NEK1: variants seen among roughly 807,000 people sequenced by gnomAD.
NEK1 encodes serine/threonine-protein kinase Nek1.
Under a neutral mutation model 182.1 loss-of-function variants are expected in NEK1, and 137 were observed. That is an observed-to-expected ratio of 0.75 (90% CI 0.65 to 0.87). NEK1 has a LOEUF of 0.87. Among genes scored for constraint, NEK1 ranks in the 40% least tolerant of loss-of-function variants. NEK1 has a pLI of 0.00. For missense variants in NEK1, 1,391 were observed against 1,494.4 expected (o/e 0.93, Z 1.14); for synonymous variants, 513 against 492.2 (o/e 1.04, Z -0.56).
chr4:169,437,046 C>G (rs1418365988), intron 28 of NEK1, among the ~76,000 whole-genome samples: 1 of 152,134 alleles, frequency 6.6e-6, no homozygotes, highest in East Asian at 1.9e-4. Flanking sequence ...GAGAAGAGCC[C>G]TTGAGCACAC....
intron 23 of NEK1, among the ~76,000 whole-genome samples, chr4:169,489,010 G>C (rs548053870): frequency 6.6e-6 from 1 of 152,136 alleles, no homozygotes; most frequent in Non-Finnish European, 1.5e-5. Flanking sequence ...CTTCAAACAA[G>C]CTAATTAATT....
intron 19 of NEK1, among the ~76,000 whole-genome samples, chr4:169,533,734 AG>A (rs1183947912): frequency 6.6e-6 from 1 of 152,230 alleles, no homozygotes; most frequent in South Asian, 2.1e-4. Flanking sequence ...CACAGTAAAA[AG>A]AGAGAAAAAG....
chr4:169,500,266 G>T (rs1449677508), intron 23 of NEK1, among the ~76,000 whole-genome samples: 3 of 152,168 alleles, frequency 2.0e-5, no homozygotes, highest in African/African-American at 7.2e-5. Context: ...GTATTAGGGT[G>T]GGAGTGACCC....
chr4:169,433,618 T>A lies in NEK1; in HGVS notation c.2812A>T (p.Asn938Tyr). The change falls in exon 29 of 36, where the codon AAC (asparagine) becomes TAC (tyrosine). Residue 938 changes from asparagine (N) to tyrosine (Y), a missense_variant. Transcript: ENST00000507142. Reference protein sequence around the residue: ...TEILQEPSGTNKDESLPCTIT... With the variant: ...TEILQEPSGTYKDESLPCTIT... ...GTGCATGGCAAGCTCTCATCTTTGT[T>A]TGTTCCACTTGGCTCTTGTAGAATT... 2 of 1,613,484 alleles carry A rather than the reference T, an allele frequency of 1.2e-6. No individual in the cohort carries two copies. Among genetic ancestry groups the A allele is most frequent in the Non-Finnish European group, 1.7e-6 (2 of 1,179,574 alleles).
chr4:169,569,886 G>A (rs1408228568), intron 12 of NEK1, among the ~76,000 whole-genome samples: 1 of 152,218 alleles, frequency 6.6e-6, no homozygotes, highest in African/African-American at 2.4e-5. Flanking sequence ...CCAAAGTGCC[G>A]AGATTGTAGC....
chr4:169,404,782 AT>A (rs5863995), intron 32 of NEK1, among the ~76,000 whole-genome samples: 9 of 150,766 alleles, frequency 6.0e-5, no homozygotes, highest in South Asian at 2.1e-4. Context: ...ATGGAAAAAA[AT>A]TTTTTTTTTA....
intron 16 of NEK1, 39 bp from the exon 17 acceptor site, chr4:169,556,134 T>C (rs375207001): frequency 1.3e-6 from 2 of 1,585,642 alleles, no homozygotes; most frequent in African/African-American, 1.4e-5. Flanking sequence ...GTTTATCTTA[T>C]AAGGCCTAAC....
intron 29 of NEK1, 22 bp downstream of exon 29, chr4:169,433,523 T>A (rs183106366): frequency 1.2e-3 from 1,842 of 1,586,874 alleles, no homozygotes; most frequent in Non-Finnish European, 1.5e-3. Context: ...GGTTTTAAAA[T>A]GTCAGGAAAA....
At chr4:169,538,432 T>C (rs879912759) in intron 18 of NEK1, among the ~76,000 whole-genome samples, 1 of 151,548 alleles carries the variant, frequency 6.6e-6, no homozygotes, top group African/African-American at 2.4e-5. Context: ...GTGGATAGAT[T>C]AGGGAAAAGA....
At chr4:169,590,614 C>G in intron 6 of NEK1, 112 bp downstream of exon 6, 2 of 636,306 alleles carry the variant, frequency 3.1e-6, no homozygotes, top group Non-Finnish European at 5.5e-6. Context: ...AAGGAAGAGA[C>G]AAGACAGATA....
intron 23 of NEK1, among the ~76,000 whole-genome samples, chr4:169,499,735 G>T (rs1378543797): frequency 6.6e-6 from 1 of 152,188 alleles, no homozygotes. Flanking sequence ...AACAGCAAAT[G>T]TTGCTGCCTG....
At chr4:169,486,925 A>C (rs1749136200) in intron 23 of NEK1, among the ~76,000 whole-genome samples, 1 of 152,210 alleles carries the variant, frequency 6.6e-6, no homozygotes, top group South Asian at 2.1e-4. Flanking sequence ...CCTTTTAAAA[A>C]ACTGAATCGA....
At chr4:169,497,962 T>C (rs1343598029) in intron 23 of NEK1, among the ~76,000 whole-genome samples, 1 of 152,204 alleles carries the variant, frequency 6.6e-6, no homozygotes, top group South Asian at 2.1e-4. Flanking sequence ...GATATCCTTG[T>C]TAACTTTCTG....
intron 11 of NEK1, among the ~76,000 whole-genome samples, chr4:169,579,848 C>T (rs528388958): frequency 1.3e-5 from 2 of 151,146 alleles, no homozygotes; most frequent in Non-Finnish European, 2.9e-5. Context: ...ACTGTCATAC[C>T]ACTTCTAGCT....
At chr4:169,505,275 AT>A (rs938817073) in intron 23 of NEK1, among the ~76,000 whole-genome samples, 4 of 151,126 alleles carry the variant, frequency 2.6e-5, no homozygotes, top group African/African-American at 4.9e-5. Context: ...CTTACACACA[AT>A]TTTTTTTTCT....
intron 26 of NEK1, among the ~76,000 whole-genome samples, chr4:169,471,135 C>G (rs1199918226): frequency 6.6e-6 from 1 of 152,200 alleles, no homozygotes; most frequent in Non-Finnish European, 1.5e-5. Flanking sequence ...ATTCATCAAA[C>G]TCATTCTCCG....
chr4:169,601,396 G>A (rs17545118), intron 4 of NEK1, among the ~76,000 whole-genome samples: 13,466 of 152,148 alleles, frequency 0.089, 778 homozygotes, highest in African/African-American at 0.16. Context: ...CCTGCCTTTA[G>A]AGAAGCTTTG....
chr4:169,497,898 A>G (rs922813022), intron 23 of NEK1, among the ~76,000 whole-genome samples: 9 of 152,076 alleles, frequency 5.9e-5, no homozygotes, highest in African/African-American at 2.2e-4. Context: ...TGGGGTGGAG[A>G]GTTCTGTAGA....
intron 27 of NEK1, among the ~76,000 whole-genome samples, chr4:169,459,813 G>A (rs550270559): frequency 4.3e-4 from 65 of 152,246 alleles, no homozygotes; most frequent in African/African-American, 1.5e-3. Flanking sequence ...CCAATTACAT[G>A]ACATTCTGGA....
Sources: allele counts gnomAD v4.1 joint callset (sites outside exome capture counted in the v4.1 genomes callset), GRCh38; gene constraint gnomAD v4.1.1; transcripts MANE v1.5; gene names NCBI Gene and HGNC (gene_info 2026-07-23, HGNC 2026-07-21).